DAB1: variants seen among roughly 807,000 people sequenced by gnomAD.
DAB1 encodes the protein DAB adaptor protein 1, also known as disabled homolog 1.
A neutral mutation model predicts 64.6 loss-of-function variants in DAB1; 15 were observed. That is an observed-to-expected ratio of 0.23 (90% CI 0.16 to 0.36). DAB1 has a LOEUF of 0.36. DAB1 is among the 10% of genes least tolerant of loss of function. DAB1 has a pLI of 1.00. For synonymous variants in DAB1, 235 were observed against 251.9 expected (o/e 0.93, Z 0.64); for missense variants, 596 against 706.7 (o/e 0.84, Z 1.78).
chr1:57,899,447 T>C (rs1028067836), intron 5 of DAB1, among the ~76,000 whole-genome samples: 2 of 152,148 alleles, frequency 1.3e-5, no homozygotes, highest in African/African-American at 4.8e-5. Context: ...CAAAGAATGA[T>C]TATACCCATT....
At chr1:58,298,395 T>C (rs920478176) in intron 4 of DAB1, among the ~76,000 whole-genome samples, 2 of 152,222 alleles carry the variant, frequency 1.3e-5, no homozygotes, top group Non-Finnish European at 2.9e-5. Flanking sequence ...TTTTTACCTG[T>C]ATTATTTGTA....
intron 5 of DAB1, among the ~76,000 whole-genome samples, chr1:58,065,146 C>G (rs1266952828): frequency 6.6e-6 from 1 of 152,186 alleles, no homozygotes; most frequent in African/African-American, 2.4e-5. Context: ...ATTTATTGAG[C>G]ACTTACCCTG....
intron 5 of DAB1, among the ~76,000 whole-genome samples, chr1:58,129,344 C>G (rs1385143977): frequency 6.8e-6 from 1 of 147,964 alleles, no homozygotes; most frequent in East Asian, 2.0e-4. Context: ...TGATTCTTCT[C>G]TCTTTTTTTC....
chr1:58,268,852 T>A (rs1057008859), intron 4 of DAB1, among the ~76,000 whole-genome samples: 6 of 152,182 alleles, frequency 3.9e-5, no homozygotes, highest in Admixed American at 3.9e-4. Context: ...TACTTCTTGA[T>A]TTCAATATGT....
intron 1 of DAB1, among the ~76,000 whole-genome samples, chr1:57,302,985 C>T (rs1209726270): frequency 6.6e-6 from 1 of 152,166 alleles, no homozygotes; most frequent in Non-Finnish European, 1.5e-5. Flanking sequence ...ATGATGTAAT[C>T]CACATAAAAT....
At chr1:57,509,723 A>G (rs1369170799) in intron 7 of DAB1, among the ~76,000 whole-genome samples, 4 of 151,970 alleles carry the variant, frequency 2.6e-5, no homozygotes, top group Non-Finnish European at 4.4e-5. Context: ...ACCCCTATCA[A>G]AGGCAAACCC....
intron 9 of DAB1, among the ~76,000 whole-genome samples, chr1:57,059,673 G>T (rs1028878770): frequency 9.2e-5 from 14 of 151,970 alleles, no homozygotes; most frequent in Admixed American, 5.2e-4. Context: ...CCTCCGAGAG[G>T]CTTGGGCAAG....
chr1:58,051,408 A>G lies in DAB1; in HGVS notation n.387+99103T>C, dbSNP rs968006295. Among the ~76,000 whole-genome samples the G allele has an allele frequency of 3.9e-5, 6 of 152,068 alleles. 1 individual carries two copies. Among genetic ancestry groups the G allele is most frequent in the Admixed American group, 6.6e-5 (1 of 15,260 alleles). ...CTTTTTTATGGCTGCATAGTATTCC[A>G]TGGTGTATATGTGCCAATTTTCTTA... On this transcript the variant is annotated intron_variant and non_coding_transcript_variant, in intron 5 of 20. Transcript: ENST00000485760.
At chr1:57,600,492 G>C (rs368940722) in intron 7 of DAB1, among the ~76,000 whole-genome samples, 5 of 152,220 alleles carry the variant, frequency 3.3e-5, no homozygotes, top group African/African-American at 1.2e-4. Flanking sequence ...TGGGAGCAAG[G>C]GTACCATAGC....
chr1:57,217,119 A>G (rs1666483976), intron 2 of DAB1, among the ~76,000 whole-genome samples: 1 of 152,192 alleles, frequency 6.6e-6, no homozygotes, highest in Non-Finnish European at 1.5e-5. Flanking sequence ...ACAGATAACG[A>G]TATTGAAAGA....
chr1:57,513,793 T>G (rs536225650), intron 7 of DAB1, among the ~76,000 whole-genome samples: 23 of 152,308 alleles, frequency 1.5e-4, no homozygotes, highest in African/African-American at 5.5e-4. Flanking sequence ...AATTTATTAC[T>G]CCTGTTTTGC....
chr1:58,344,951 C>T (rs745487615), intron 3 of DAB1, among the ~76,000 whole-genome samples: 1 of 152,130 alleles, frequency 6.6e-6, no homozygotes, highest in African/African-American at 2.4e-5. Flanking sequence ...TGTTATATGG[C>T]CATTGTAATA....
intron 7 of DAB1, among the ~76,000 whole-genome samples, chr1:57,559,849 G>C (rs929366717): frequency 1.3e-5 from 2 of 152,136 alleles, no homozygotes; most frequent in Non-Finnish European, 2.9e-5. Flanking sequence ...AAATAATATC[G>C]CATCCTTGGA....
At chr1:58,394,352 T>C (rs1644501345) in intron 3 of DAB1, among the ~76,000 whole-genome samples, 1 of 152,200 alleles carries the variant, frequency 6.6e-6, no homozygotes. Flanking sequence ...ATAGAAATCC[T>C]AGTCCTGAGT....
chr1:57,566,936 A>G (rs909133689), intron 7 of DAB1, among the ~76,000 whole-genome samples: 4 of 152,204 alleles, frequency 2.6e-5, no homozygotes, highest in Non-Finnish European at 5.9e-5. Context: ...TGAGGCCAGC[A>G]TCATCCTGAT....
intron 3 of DAB1, among the ~76,000 whole-genome samples, chr1:58,489,092 G>A (rs1446533335): frequency 1.3e-5 from 2 of 152,200 alleles, no homozygotes; most frequent in Non-Finnish European, 2.9e-5. Flanking sequence ...TTGGCCAGTG[G>A]GTGCAGGACA....
intron 6 of DAB1, among the ~76,000 whole-genome samples, chr1:57,731,818 T>A (rs964843806): frequency 4.3e-4 from 59 of 136,470 alleles, no homozygotes; most frequent in South Asian, 7.5e-4. Context: ...AAAAAAATAA[T>A]AATAATAATT....
At chr1:58,101,410 A>G (rs1170911351) in intron 5 of DAB1, among the ~76,000 whole-genome samples, 4 of 152,230 alleles carry the variant, frequency 2.6e-5, no homozygotes, top group African/African-American at 9.6e-5. Flanking sequence ...CGTATGGGAC[A>G]AGGCACTCAG....
At position 57,461,275 on chromosome 1, in the gene DAB1, C is replaced by G. The variant is rs555586862; in HGVS notation, n.626-170109G>C. On this transcript the variant is annotated intron_variant and non_coding_transcript_variant, in intron 7 of 20. Coordinates refer to the DAB1 transcript ENST00000485760. ...CTGGTCTAATGTTGGGGAGAATTTT[C>G]CCTCTTCCATCACTTCAGAAGATAC... is the stretch of plus-strand genomic sequence containing the variant. Among the ~76,000 whole-genome samples, 13 of 152,290 alleles carry G rather than the reference C, an allele frequency of 8.5e-5. No individual in the cohort carries two copies. The South Asian group carries it at 2.1e-3, about 24-fold the overall frequency.
Sources: gnomAD v4.1 joint callset for allele counts (sites outside exome capture counted in the v4.1 genomes callset) on GRCh38, gnomAD v4.1.1 for gene constraint, MANE v1.5 for transcripts, NCBI Gene and HGNC (gene_info 2026-07-23, HGNC 2026-07-21) for gene names.